The following TRIM23 variants were observed in gnomAD, a reference collection of about 807,000 sequenced individuals.
TRIM23 encodes the protein E3 ubiquitin-protein ligase TRIM23.
A neutral mutation model predicts 71.0 loss-of-function variants in TRIM23; 27 were observed. The ratio of observed to expected loss-of-function variants is 0.38; its 90% CI spans 0.28 to 0.52. The LOEUF is 0.52. TRIM23 is among the 20% of genes least tolerant of loss of function. The pLI is 0.84. For missense variants in TRIM23, 482 were observed against 692.3 expected, an observed-to-expected ratio of 0.70 and a Z score of 3.41; for synonymous variants, 234 against 238.0, an observed-to-expected ratio of 0.98 and a Z score of 0.16.
In TRIM23 at chr5:65,590,318, T is replaced by A; in HGVS notation, c.*1451A>T. ...GACCTTTTACCTGAAAAATAAAGGATGAAATATTACATTTATTTATTTACA... is the reference window on the plus strand; with the variant it reads ...GACCTTTTACCTGAAAAATAAAGGAAGAAATATTACATTTATTTATTTACA... On this transcript the variant is annotated 3_prime_UTR_variant, in exon 11 of 11. Coordinates refer to ENST00000231524, the MANE Select transcript of TRIM23 (RefSeq NM_001656.4). The A allele has an allele frequency of 6.9e-7, 1 of 1,446,016 alleles. No homozygotes were observed. Among genetic ancestry groups the A allele is most frequent in the South Asian group, 1.3e-5 (1 of 77,272 alleles). The allele number at this position is 1,446,016 out of a possible 1,614,324, so 89.6% of individuals were successfully genotyped here.
chr5:65,595,461 G>A (rs1754174326), intron 9 of TRIM23, among the ~76,000 whole-genome samples: 1 of 151,498 alleles, frequency 6.6e-6, no homozygotes, highest in Non-Finnish European at 1.5e-5. Context: ...AGGAGGCTGA[G>A]GCAGGAGAAT....
chr5:65,606,509 A>C (rs1754509849), intron 6 of TRIM23, among the ~76,000 whole-genome samples: 2 of 150,120 alleles, frequency 1.3e-5, no homozygotes, highest in South Asian at 2.1e-4. Flanking sequence ...ATAATGCCTC[A>C]CAGGGCCTTC....
rs758726463 is a variant in TRIM23, at chr5:65,614,210, C to A, written c.254G>T (p.Gly85Val). 1 of 1,613,068 alleles carries A rather than the reference C, an allele frequency of 6.2e-7. No homozygotes were observed. Among genetic ancestry groups the A allele is most frequent in the Non-Finnish European group, 8.5e-7 (1 of 1,179,224 alleles). Residue 85 changes from glycine to valine, a missense_variant, in exon 3 of 11, where the codon GGT (glycine) becomes GTT (valine). By Grantham distance (109) the Gly-to-Val change is moderately radical. Coordinates refer to ENST00000231524, the MANE Select transcript of TRIM23 (RefSeq NM_001656.4). ...DRQVTDLGDS[G>V]VWGLKKNFAL... ...AAAATTTTTTTTCAATCCCCAGACA[C>A]CTGAATCACCTAGAATAAATATAAA...
intron 7 of TRIM23, among the ~76,000 whole-genome samples, chr5:65,599,196 A>G (rs1754295761): frequency 1.3e-5 from 2 of 152,218 alleles, no homozygotes; most frequent in African/African-American, 4.8e-5. Context: ...AAGACCTATT[A>G]GAATAAAGTC....
intron 1 of TRIM23, among the ~76,000 whole-genome samples, chr5:65,621,226 C>A (rs917487786): frequency 4.6e-5 from 7 of 152,030 alleles, no homozygotes; most frequent in African/African-American, 1.4e-4. Flanking sequence ...GTGGCGGGCA[C>A]CTGTAGTCCC....
Position 65,590,301 on chromosome 5 carries a change from A to G in TRIM23, c.*1468T>C. 2.1e-6 allele frequency: 3 copies of G among 1,408,910 alleles called. No homozygotes were observed. The highest frequency in any genetic ancestry group is 3.0e-6 in the Non-Finnish European group (3 of 1,014,360). 87.3% of individuals were successfully genotyped at this position (1,408,910 alleles called of 1,614,324 possible). A position where few individuals can be genotyped will look rare whatever the true frequency, so the allele number is the denominator to read the frequency against. ...TACACCTGTAACAGCATGACCTTTTACCTGAAAAATAAAGGATGAAATATT... is the reference window on the plus strand; with the variant it reads ...TACACCTGTAACAGCATGACCTTTTGCCTGAAAAATAAAGGATGAAATATT... On this transcript the variant is annotated 3_prime_UTR_variant, in exon 11 of 11. Coordinates refer to ENST00000231524, the MANE Select transcript of TRIM23 (RefSeq NM_001656.4).
intron 5 of TRIM23, among the ~76,000 whole-genome samples, chr5:65,610,606 T>C (rs562760189): frequency 1.3e-5 from 2 of 152,358 alleles, no homozygotes; most frequent in East Asian, 3.9e-4. Context: ...AGGACTTCTC[T>C]GACCTCCATA....
In TRIM23 at chr5:65,624,321, G is replaced by A. The variant is rs1323760676; in HGVS notation, c.-47C>T. ...GAAACAGCCTTCAGAGTCCTCAACTGAGAGGCGGGGTTGAGCCACCTACCC... is the reference window on the plus strand; with the variant it reads ...GAAACAGCCTTCAGAGTCCTCAACTAAGAGGCGGGGTTGAGCCACCTACCC... On this transcript the variant is annotated 5_prime_UTR_variant, in exon 1 of 11. Coordinates refer to ENST00000231524, the MANE Select transcript of TRIM23 (RefSeq NM_001656.4). The A allele has an allele frequency of 1.6e-5, 26 of 1,601,354 alleles. No homozygotes were observed. Among genetic ancestry groups the A allele is most frequent in the Non-Finnish European group, 2.2e-5 (26 of 1,174,604 alleles).
chr5:65,609,852 C>A (rs1253880308), intron 5 of TRIM23, among the ~76,000 whole-genome samples: 1 of 152,220 alleles, frequency 6.6e-6, no homozygotes, highest in Non-Finnish European at 1.5e-5. Flanking sequence ...TGCCTAATCT[C>A]CAGTCTCCCC....
chr5:65,603,847 A>T (rs1305134433), intron 7 of TRIM23, among the ~76,000 whole-genome samples: 1 of 152,198 alleles, frequency 6.6e-6, no homozygotes, highest in Non-Finnish European at 1.5e-5. Context: ...AGCAACCATT[A>T]AAAAAATTGT....
rs1554124236 is a variant in TRIM23, at chr5:65,591,645, T to TTTTA, written c.*123_*124insTAAA. On this transcript the variant is annotated 3_prime_UTR_variant, in exon 11 of 11. Transcript: ENST00000231524. ...ACTGAATTCCCAATCCAAGATTCCT[T>TTTTA]TATATATATATATATATATATGCAT... 1 of 629,428 alleles carries TTTTA rather than the reference T, an allele frequency of 1.6e-6. No homozygotes were observed. Among genetic ancestry groups the TTTTA allele is most frequent in the African/African-American group, 2.3e-5 (1 of 44,424 alleles). 39.0% of individuals were successfully genotyped at this position (629,428 alleles called of 1,614,324 possible).
chr5:65,605,475 A>G (rs1442248901), intron 6 of TRIM23, among the ~76,000 whole-genome samples: 1 of 152,230 alleles, frequency 6.6e-6, no homozygotes, highest in Non-Finnish European at 1.5e-5. Context: ...TGAGGGAACT[A>G]CTGGGGTACT....
intron 6 of TRIM23, among the ~76,000 whole-genome samples, chr5:65,607,547 T>C (rs1399419582): frequency 6.6e-6 from 1 of 152,162 alleles, no homozygotes; most frequent in Non-Finnish European, 1.5e-5. Flanking sequence ...TGTCTAACTT[T>C]CCTGAAGCCT....
At chr5:65,616,008 A>G (rs1288614647) in intron 2 of TRIM23, among the ~76,000 whole-genome samples, 5 of 152,208 alleles carry the variant, frequency 3.3e-5, no homozygotes, top group Non-Finnish European at 5.9e-5. Context: ...TACTTTGAAA[A>G]TCATAAACCT....
chr5:65,590,014 C>T lies in TRIM23; in HGVS notation c.*1755G>A, dbSNP rs966018486. 1 of 286,386 alleles carries T rather than the reference C, an allele frequency of 3.5e-6. No individual in the cohort carries two copies. Among genetic ancestry groups the T allele is most frequent in the Non-Finnish European group, 6.7e-6 (1 of 148,388 alleles). The allele number at this position is 286,386 out of a possible 1,614,324, so 17.7% of individuals were successfully genotyped here. ...TCTTTAAAAATGAATCACACACAAACACCTACCATTATACATACATTATAA... is the reference window on the plus strand; with the variant it reads ...TCTTTAAAAATGAATCACACACAAATACCTACCATTATACATACATTATAA... On this transcript the variant is annotated 3_prime_UTR_variant, in exon 11 of 11. Transcript: ENST00000231524.
At chr5:65,594,669 A>T in intron 9 of TRIM23, 24 bp from the exon 10 acceptor site, 1 of 1,534,992 alleles carries the variant, frequency 6.5e-7, no homozygotes, top group Non-Finnish European at 8.7e-7. Flanking sequence ...AATAAAAAAA[A>T]CAAAAATAGT....
chr5:65,614,766 A>T (rs458299), intron 2 of TRIM23, among the ~76,000 whole-genome samples: 19 of 151,876 alleles, frequency 1.3e-4, no homozygotes, highest in African/African-American at 4.1e-4. Context: ...AAATACACAT[A>T]AAAAAAATTA....
Position 65,611,669 on chromosome 5 carries a change from T to A in TRIM23, c.579A>T (p.Glu193Asp), listed in dbSNP as rs1341043599. 6.2e-7 allele frequency: 1 copy of A among 1,614,218 alleles called. No individual in the cohort carries two copies. Among genetic ancestry groups the A allele is most frequent in the African/African-American group, 1.3e-5 (1 of 75,062 alleles). The change falls in exon 4 of 11, where the codon GAA (glutamate) becomes GAT (aspartate). Residue 193 changes from glutamate to aspartate, a missense_variant. Glu to Asp is a conservative substitution (Grantham distance 45). Transcript: ENST00000231524. The part of the protein sequence containing the change: ...VHAIEFVCLE[E>D]GCQTSPLMCC... ...ACATGAGTGGGCTAGTTTGACAACC[T>A]TCTTCCAAGCAAACAAACTCAATGG... is the stretch of plus-strand genomic sequence containing the variant.
intron 6 of TRIM23, among the ~76,000 whole-genome samples, 197 bp from the exon 7 acceptor site, chr5:65,605,242 T>C (rs13176433): frequency 6.6e-6 from 1 of 152,336 alleles, no homozygotes; most frequent in Middle Eastern, 3.4e-3. Context: ...AATTGTAGCA[T>C]ATAGATAAAT....
Sources: allele counts gnomAD v4.1 joint callset (sites outside exome capture counted in the v4.1 genomes callset), GRCh38; gene constraint gnomAD v4.1.1; transcripts MANE v1.5; gene names NCBI Gene and HGNC (gene_info 2026-07-23, HGNC 2026-07-21).